The following HAS3 variants were observed in gnomAD, a reference collection of about 807,000 sequenced individuals.
HAS3 encodes the protein HA synthase 3.
In HAS3, 27 loss-of-function variants were observed where a neutral mutation model predicts 50.3. The observed-to-expected ratio is 0.54, with a 90% confidence interval of 0.40 to 0.74. The LOEUF is 0.74. Among genes scored for constraint, HAS3 ranks in the 30% least tolerant of loss-of-function variants. HAS3 has a pLI of 0.00. For missense variants in HAS3, 517 were observed against 742.8 expected, an observed-to-expected ratio of 0.70 and a Z score of 3.53; for synonymous variants, 339 against 310.9, an observed-to-expected ratio of 1.09 and a Z score of -0.95.
chr16:69,109,783 G>A lies in HAS3; in HGVS notation c.388G>A (p.Ala130Thr), dbSNP rs773069546. 2.2e-5 allele frequency: 35 copies of A among 1,611,810 alleles called. No individual in the cohort carries two copies. In the East Asian group the frequency reaches 4.5e-4, roughly 21 times the overall value. Residue 130 changes from alanine (A) to threonine (T), a missense_variant, in exon 2 of 4, where the codon GCC becomes ACC. Coordinates refer to ENST00000569188, the MANE Select transcript of HAS3 (RefSeq NM_001199280.2). The surrounding 1 kb of genome is among the most constrained non-coding windows in gnomAD (Gnocchi z 5.3). ...MVVDGNRQED[A>T]YMLDIFHEVL... Reference sequence around the variant, plus strand: ...GGTGGATGGCAACCGCCAGGAGGACGCCTACATGCTGGACATCTTCCACGA... The same window carrying A: ...GGTGGATGGCAACCGCCAGGAGGACACCTACATGCTGGACATCTTCCACGA...
rs772651106 is a variant in HAS3 at position 69,109,827 on chromosome 16, G to A, written c.432G>A (p.Glu144=). The change falls in exon 2 of 4, where the codon GAG becomes GAA. Residue 144 remains glutamate (E), a synonymous_variant. Transcript: ENST00000569188. The surrounding 1 kb of genome is among the most constrained non-coding windows in gnomAD (Gnocchi z 5.3). ...TCCACGAGGTGCTGGGCGGCACCGAGCAGGCCGGCTTCTTTGTGTGGCGCA... is the reference window on the plus strand; with the variant it reads ...TCCACGAGGTGCTGGGCGGCACCGAACAGGCCGGCTTCTTTGTGTGGCGCA... The part of the protein sequence containing the change: ...DIFHEVLGGT[E]QAGFFVWRSN... 6.8e-6 allele frequency: 11 copies of A among 1,612,686 alleles called. No individual in the cohort carries two copies.
rs1397444079 is a variant in HAS3 at position 69,116,721 on chromosome 16, G to A, written c.*1455G>A. 1.1e-5 allele frequency: 11 copies of A among 985,314 alleles called. No homozygotes were observed. The highest frequency in any genetic ancestry group is 1.7e-5 in the African/African-American group (1 of 57,236). 61.0% of individuals were successfully genotyped at this position (985,314 alleles called of 1,614,324 possible). A position where few individuals can be genotyped will look rare whatever the true frequency, so the allele number is the denominator to read the frequency against. Reference sequence around the variant, plus strand: ...TCCCTCTGCTGCTTTTGGGGAATGAGGGGAAGCCATTTTCCAGTGACTTGC... The same window carrying A: ...TCCCTCTGCTGCTTTTGGGGAATGAAGGGAAGCCATTTTCCAGTGACTTGC... On this transcript the variant is annotated 3_prime_UTR_variant, in exon 4 of 4. Transcript: ENST00000569188.
chr16:69,112,057 T>C lies in HAS3; in HGVS notation c.637-1384T>C, dbSNP rs547967880. Among the ~76,000 whole-genome samples the C allele has an allele frequency of 5.3e-5, 8 of 152,360 alleles. No homozygotes were observed. In the South Asian group the frequency reaches 1.7e-3, roughly 32 times the overall value. On this transcript the variant is annotated intron_variant, in intron 2 of 3. Transcript: ENST00000569188. ...CTGCTGCGGAGGTATCTCTCCCTCC[T>C]AGGCAGAACTCTGCCCGAGCCAGTG...
At chr16:69,099,554 C>T in the HAS3 span, among the ~76,000 whole-genome samples, 3 of 151,734 alleles carry the variant, frequency 2.0e-5, no homozygotes, top group African/African-American at 7.3e-5. Flanking sequence ...TCTCGATCTC[C>T]TGACCTCATG....
At chr16:69,094,150 G>T in the HAS3 span, among the ~76,000 whole-genome samples, 4 of 151,958 alleles carry the variant, frequency 2.6e-5, no homozygotes, top group African/African-American at 9.7e-5. Flanking sequence ...AAGCTACTGG[G>T]CCTTTAAGTG....
In HAS3 at chr16:69,114,476, G is replaced by A. The variant is rs953908448; in HGVS notation, c.872G>A (p.Arg291His). The A allele has an allele frequency of 3.1e-6, 5 of 1,613,814 alleles. No homozygotes were observed. Among genetic ancestry groups the A allele is most frequent in the East Asian group, 2.2e-5 (1 of 44,890 alleles). Residue 291 changes from arginine (R) to histidine (H), a missense_variant, in exon 4 of 4, where the codon CGC (arginine) becomes CAC (histidine). Coordinates refer to ENST00000569188, the MANE Select transcript of HAS3 (RefSeq NM_001199280.2). This position sits in a 1 kb window ranked among gnomAD's most constrained non-coding sequence, Gnocchi z 6.4. ...ATTAGTGGGCCCTTGGGCATGTACCGCAACAGCCTCCTCCAGCAGTTCCTG... is the reference window on the plus strand; with the variant it reads ...ATTAGTGGGCCCTTGGGCATGTACCACAACAGCCTCCTCCAGCAGTTCCTG... Reference protein sequence around the residue: ...QCISGPLGMYRNSLLQQFLED... With the variant: ...QCISGPLGMYHNSLLQQFLED...
upstream of HAS3, among the ~76,000 whole-genome samples, chr16:69,102,743 G>A (rs1029512292): frequency 2.6e-5 from 4 of 152,196 alleles, no homozygotes; most frequent in East Asian, 3.9e-4. Flanking sequence ...GGAAAACTCC[G>A]TGGAGCTGGC....
At position 69,117,434 on chromosome 16, in the gene HAS3, T is replaced by C; in HGVS notation, c.*2168T>C. ...ACATTTTTCAGCAGCAAAACCAAACTGGGTCTTCAGCTTTATCCCCGTTTC... is the reference window on the plus strand; with the variant it reads ...ACATTTTTCAGCAGCAAAACCAAACCGGGTCTTCAGCTTTATCCCCGTTTC... On this transcript the variant is annotated 3_prime_UTR_variant, in exon 4 of 4. Transcript: ENST00000569188. 1 of 985,868 alleles carries C rather than the reference T, an allele frequency of 1.0e-6. No individual in the cohort carries two copies. The highest frequency in any genetic ancestry group is 1.2e-6 in the Non-Finnish European group (1 of 829,914). The allele number at this position is 985,868 out of a possible 1,614,324, so 61.1% of individuals were successfully genotyped here.
At chr16:69,095,030 G>A in the HAS3 span, among the ~76,000 whole-genome samples, 1 of 143,246 alleles carries the variant, frequency 7.0e-6, no homozygotes, top group East Asian at 2.0e-4. Context: ...CACCCAGGCT[G>A]GAGTGCAGTA....
rs780871699 is a variant in HAS3, at chr16:69,109,487, C to T, written c.92C>T (p.Thr31Met). 17 of 1,613,814 alleles carry T rather than the reference C, an allele frequency of 1.1e-5. No homozygotes were observed. Among genetic ancestry groups the T allele is most frequent in the East Asian group, 4.5e-5 (2 of 44,886 alleles). Residue 31 changes from threonine to methionine, a missense_variant, in exon 2 of 4, where the codon ACG becomes ATG. Physicochemically the swap from Thr to Met is moderately conservative, Grantham distance 81. Transcript: ENST00000569188. This position sits in a 1 kb window ranked among gnomAD's most constrained non-coding sequence, Gnocchi z 5.3. ...VLGGILAAYV[T>M]GYQFIHTEKH... ...GGTGGCATCCTGGCAGCCTATGTGA[C>T]GGGCTACCAGTTCATCCACACGGAA...
downstream of HAS3, chr16:69,118,131 C>CCCCCCT: frequency 2.8e-6 from 1 of 359,770 alleles, no homozygotes; most frequent in Non-Finnish European, 5.1e-6. Flanking sequence ...TCCCCCACCC[C>CCCCCCT]CACCCTAATT....
chr16:69,096,763 A>G, the HAS3 span, among the ~76,000 whole-genome samples: 1 of 151,626 alleles, frequency 6.6e-6, no homozygotes, highest in Admixed American at 6.6e-5. Context: ...GACTACAGGC[A>G]AGCACCACCA....
the HAS3 span, among the ~76,000 whole-genome samples, chr16:69,093,143 A>G: frequency 6.6e-6 from 1 of 152,174 alleles, no homozygotes; most frequent in Non-Finnish European, 1.5e-5. Flanking sequence ...TTGCTTTCCC[A>G]TCCATTTCCT....
chr16:69,117,979 A>C, downstream of HAS3: 1 of 249,038 alleles, frequency 4.0e-6, no homozygotes, highest in Non-Finnish European at 7.9e-6. Flanking sequence ...CTTCCCTATG[A>C]AACAGGTAAC....
rs779896003 is a variant in HAS3 at position 69,113,516 on chromosome 16, G to A, written c.712G>A (p.Val238Ile). Residue 238 changes from valine to isoleucine, a missense_variant, in exon 3 of 4, where the codon GTA (valine) becomes ATA (isoleucine). Coordinates refer to ENST00000569188, the MANE Select transcript of HAS3 (RefSeq NM_001199280.2). ...MLRVLEEDPQ[V>I]GGVGGDVQIL... is the part of the protein sequence containing the mutation. ...TCGAGTCCTGGAGGAGGATCCCCAA[G>A]TAGGGGGAGTCGGGGGAGATGTCCA... 1.9e-6 allele frequency: 3 copies of A among 1,610,742 alleles called. No individual in the cohort carries two copies. The Admixed American group carries it at 5.0e-5, about 27-fold the overall frequency.
the HAS3 span, chr16:69,083,544 G>C: frequency 6.2e-7 from 1 of 1,612,026 alleles, no homozygotes. Flanking sequence ...TGTGTCTGGA[G>C]CCCGATGACG....
chr16:69,117,536 T>A lies in HAS3; in HGVS notation c.*2270T>A, dbSNP rs969707062. 4.3e-6 allele frequency: 4 copies of A among 924,820 alleles called. No individual in the cohort carries two copies. The African/African-American group carries it at 7.1e-5, about 17-fold the overall frequency. 57.3% of individuals were successfully genotyped at this position (924,820 alleles called of 1,614,324 possible). On this transcript the variant is annotated 3_prime_UTR_variant, in exon 4 of 4. Coordinates refer to ENST00000569188, the MANE Select transcript of HAS3 (RefSeq NM_001199280.2). Reference sequence around the variant, plus strand: ...TGAGAATTCAAATCCTCTTTTGTATTGTTTCTACAATAATTTGTAAACATA... The same window carrying A: ...TGAGAATTCAAATCCTCTTTTGTATAGTTTCTACAATAATTTGTAAACATA...
rs777848849 is a variant in HAS3 at position 69,114,746 on chromosome 16, A to T, written c.1142A>T (p.Tyr381Phe). 1 of 1,614,030 alleles carries T rather than the reference A, an allele frequency of 6.2e-7. No homozygotes were observed. Residue 381 changes from tyrosine to phenylalanine, a missense_variant, in exon 4 of 4, where the codon TAC (tyrosine) becomes TTC (phenylalanine). By Grantham distance (22) the Tyr-to-Phe change is conservative (BLOSUM62 3). Coordinates refer to ENST00000569188, the MANE Select transcript of HAS3 (RefSeq NM_001199280.2). This position sits in a 1 kb window ranked among gnomAD's most constrained non-coding sequence, Gnocchi z 6.4. The stretch of plus-strand genomic sequence containing the variant: ...CATAAGCACCACCTCTGGATGACCT[A>T]CGAGTCAGTGGTCACGGGTTTCTTC... ...WFHKHHLWMT[Y>F]ESVVTGFFPF...
Position 69,114,441 on chromosome 16 carries a change from T to C in HAS3, c.837T>C (p.Cys279=), listed in dbSNP as rs773120044. 13 of 1,613,808 alleles carry C rather than the reference T, an allele frequency of 8.1e-6. No homozygotes were observed. Among genetic ancestry groups the C allele is most frequent in the Non-Finnish European group, 1.1e-5 (13 of 1,180,008 alleles). Reference sequence around the variant, plus strand: ...GGGCCTGCCAGTCCTACTTTGGCTGTGTGCAGTGTATTAGTGGGCCCTTGG... The same window carrying C: ...GGGCCTGCCAGTCCTACTTTGGCTGCGTGCAGTGTATTAGTGGGCCCTTGG... ...VERACQSYFG[C]VQCISGPLGM... is the part of the protein sequence containing the mutation. Residue 279 remains cysteine (C), a synonymous_variant, in exon 4 of 4, where the codon TGT becomes TGC. Transcript: ENST00000569188. The surrounding 1 kb of genome is among the most constrained non-coding windows in gnomAD (Gnocchi z 6.4).
Sources: allele counts gnomAD v4.1 joint callset (sites outside exome capture counted in the v4.1 genomes callset), GRCh38; gene constraint gnomAD v4.1.1; non-coding constraint Gnocchi (gnomAD v3.1); transcripts MANE v1.5; gene names NCBI Gene and HGNC (gene_info 2026-07-23, HGNC 2026-07-21).